The following LAP3 variants were observed in gnomAD, a reference collection of about 807,000 sequenced individuals.
LAP3 encodes the protein leucine aminopeptidase 3, also known as cytosol aminopeptidase.
LAP3 carries 46 observed loss-of-function variants against 58.8 expected under a neutral mutation model. That is an observed-to-expected ratio of 0.78 (90% CI 0.62 to 1.00). The LOEUF (loss-of-function observed/expected upper bound fraction) is 1.00. Among genes scored for constraint, LAP3 ranks in the 50% least tolerant of loss-of-function variants. The pLI, the probability that LAP3 is intolerant of heterozygous loss-of-function variation, is 0.00. For synonymous variants in LAP3, 257 were observed against 237.7 expected, an observed-to-expected ratio of 1.08 and a Z score of -0.75; for missense variants, 615 against 659.1, an observed-to-expected ratio of 0.93 and a Z score of 0.73.
chr4:17,578,756 G>C lies in LAP3; in HGVS notation c.103-1068G>C, dbSNP rs553074621. On this transcript the variant is annotated intron_variant, in intron 1 of 12. Transcript: ENST00000226299. ...TTTGAGACCTGAGACTTGTGAAGGA[G>C]ATGAAGGGAGTGAGCCGCTAAGTGC... Among the ~76,000 whole-genome samples, 32 of 152,334 alleles carry C rather than the reference G, an allele frequency of 2.1e-4. No individual in the cohort carries two copies. In the South Asian group the frequency reaches 6.0e-3, roughly 29 times the overall value.
rs754393344 is a variant in LAP3, at chr4:17,577,462, C to T, written c.-4C>T. The stretch of plus-strand genomic sequence containing the variant: ...AGGGCGGTGCGAGGGGCCGAGCCGA[C>T]AAGATGTTCTTGCTGCCTCTTCCGG... On this transcript the variant is annotated 5_prime_UTR_variant, in exon 1 of 13. An upstream open reading frame in the 5' UTR gains an earlier in-frame stop. Coordinates refer to ENST00000226299, the MANE Select transcript of LAP3 (RefSeq NM_015907.3). The T allele has an allele frequency of 3.8e-6, 6 of 1,568,124 alleles. No individual in the cohort carries two copies. The highest frequency in any genetic ancestry group is 2.4e-5 in the East Asian group (1 of 41,920).
chr4:17,590,274 T>C (rs999141267), intron 7 of LAP3, among the ~76,000 whole-genome samples: 2 of 152,182 alleles, frequency 1.3e-5, no homozygotes, highest in Non-Finnish European at 2.9e-5. Context: ...TAGAGAACCA[T>C]ACGATGTTGA....
chr4:17,604,732 G>T, intron 11 of LAP3, 65 bp downstream of exon 11: 2 of 1,248,034 alleles, frequency 1.6e-6, no homozygotes, highest in Non-Finnish European at 2.3e-6. Flanking sequence ...GCCTTAGAAG[G>T]ATAGACTTCT....
At chr4:17,586,883 A>C (rs1022259388) in intron 6 of LAP3, among the ~76,000 whole-genome samples, 3 of 152,188 alleles carry the variant, frequency 2.0e-5, no homozygotes, top group Admixed American at 6.5e-5. Flanking sequence ...AGGCAGGTGG[A>C]TCACTTGAGG....
intron 12 of LAP3, 129 bp downstream of exon 12, chr4:17,607,067 T>C: frequency 1.7e-6 from 1 of 593,598 alleles, no homozygotes; most frequent in Admixed American, 3.6e-5. Flanking sequence ...GCTTGTAAGA[T>C]TTTTAATGTC....
rs540908561 is a variant in LAP3 at position 17,579,312 on chromosome 4, TCTC to T, written c.103-509_103-507del. ...TTCCAGTTTCTGGTGATAAGAATGT[TCTC>T]CTTTTCCTGGTACAGGGAGATCACC... On this transcript the variant is annotated intron_variant, in intron 1 of 12. Coordinates refer to ENST00000226299, the MANE Select transcript of LAP3 (RefSeq NM_015907.3). Among the ~76,000 whole-genome samples the T allele has an allele frequency of 1.3e-3, 205 of 152,320 alleles. 1 individual carries two copies. The highest frequency in any genetic ancestry group is 4.3e-3 in the African/African-American group (178 of 41,558).
chr4:17,606,184 C>T lies in LAP3; in HGVS notation c.1261-645C>T, dbSNP rs183007419. Among the ~76,000 whole-genome samples, 97 of 152,190 alleles carry T rather than the reference C, an allele frequency of 6.4e-4. 1 individual carries two copies. Among genetic ancestry groups the T allele is most frequent in the Admixed American group, 1.4e-3 (21 of 15,284 alleles). ...AGGATTTCAGTGATACAGGTCCAGT[C>T]GTGTGTTTCTGTCACATAGAAGTGA... On this transcript the variant is annotated intron_variant, in intron 11 of 12. Transcript: ENST00000226299.
rs1713889423 is a variant in LAP3, at chr4:17,598,523, A to C, written c.1145A>C (p.Asn382Thr). 6.2e-7 allele frequency: 1 copy of C among 1,614,110 alleles called. No individual in the cohort carries two copies. The change falls in exon 10 of 13, where the codon AAC (asparagine) becomes ACC (threonine). Residue 382 changes from asparagine (N) to threonine (T), a missense_variant. Transcript: ENST00000226299. ...GCGCTCTGTTACGCACACACGTTTA[A>C]CCCGAAGGTCATCCTCAATGCCGCC... is the stretch of plus-strand genomic sequence containing the variant. ...ADALCYAHTF[N>T]PKVILNAATL...
rs1368179761 is a variant in LAP3 at position 17,591,444 on chromosome 4, G to C, written c.863+2467G>C. Among the ~76,000 whole-genome samples the C allele has an allele frequency of 2.0e-5, 3 of 152,090 alleles. No individual in the cohort carries two copies. The East Asian group carries it at 5.8e-4, about 29-fold the overall frequency. On this transcript the variant is annotated intron_variant, in intron 7 of 12. Transcript: ENST00000226299. ...GTGTGAGCCACCACACCTGGCCCTA[G>C]ACTAAATGTCTTGCCAATTGTGACA... is the stretch of plus-strand genomic sequence containing the variant.
chr4:17,592,418 T>C (rs546742025), intron 7 of LAP3, among the ~76,000 whole-genome samples: 14 of 152,234 alleles, frequency 9.2e-5, no homozygotes, highest in Admixed American at 2.0e-4. Flanking sequence ...TATTGTTGAG[T>C]AGTGTTCAAT....
chr4:17,593,609 G>GGTTTTTTT (rs1713752982), intron 7 of LAP3, among the ~76,000 whole-genome samples: 1 of 87,608 alleles, frequency 1.1e-5, no homozygotes, highest in Non-Finnish European at 2.0e-5. Context: ...ATCTGCTTGG[G>GGTTTTTTT]TTTTTTTTTT....
At chr4:17,590,865 T>C (rs1713668745) in intron 7 of LAP3, among the ~76,000 whole-genome samples, 2 of 151,172 alleles carry the variant, frequency 1.3e-5, no homozygotes, top group South Asian at 4.2e-4. Flanking sequence ...CCACTGCGCC[T>C]GGCCACTAAA....
chr4:17,577,421 T>C lies in LAP3; in HGVS notation c.-45T>C. On this transcript the variant is annotated 5_prime_UTR_variant, in exon 1 of 13. Coordinates refer to ENST00000226299, the MANE Select transcript of LAP3 (RefSeq NM_015907.3). Reference sequence around the variant, plus strand: ...CCCAAGGCGCGCCCGCCCACCGCTCTCCACGTGCTCGCTGGAGGGCGGTGC... The same window carrying C: ...CCCAAGGCGCGCCCGCCCACCGCTCCCCACGTGCTCGCTGGAGGGCGGTGC... 1 of 1,456,024 alleles carries C rather than the reference T, an allele frequency of 6.9e-7. No individual in the cohort carries two copies. Among genetic ancestry groups the C allele is most frequent in the Non-Finnish European group, 9.2e-7 (1 of 1,084,734 alleles). The allele number at this position is 1,456,024 out of a possible 1,614,324, so 90.2% of individuals were successfully genotyped here. A position where few individuals can be genotyped will look rare whatever the true frequency, so the allele number is the denominator to read the frequency against.
chr4:17,594,202 GA>G (rs1216947631), intron 7 of LAP3, among the ~76,000 whole-genome samples: 6 of 151,898 alleles, frequency 4.0e-5, no homozygotes, highest in Non-Finnish European at 7.4e-5. Context: ...ATAGTCATAG[GA>G]ATTAGAGAGC....
Position 17,577,365 on chromosome 4 carries a change from G to T in LAP3, c.-101G>T. On this transcript the variant is annotated 5_prime_UTR_variant, in exon 1 of 13. Coordinates refer to ENST00000226299, the MANE Select transcript of LAP3 (RefSeq NM_015907.3). The stretch of plus-strand genomic sequence containing the variant: ...TCGCCCGGCGCCCGAGCCAGTCCGC[G>T]CGCACGCCGTCTGCGCCCCGAAAGC... The T allele has an allele frequency of 1.2e-6, 1 of 866,154 alleles. No individual in the cohort carries two copies. The highest frequency in any genetic ancestry group is 1.7e-6 in the Non-Finnish European group (1 of 604,580). The allele number at this position is 866,154 out of a possible 1,614,324, so 53.7% of individuals were successfully genotyped here.
At chr4:17,595,299 A>G (rs565782496) in intron 7 of LAP3, 111 bp from the exon 8 acceptor site, 62 of 1,262,694 alleles carry the variant, frequency 4.9e-5, no homozygotes, top group Non-Finnish European at 6.2e-5. Flanking sequence ...CGGCCTCCCA[A>G]AGTGCTGGGA....
At chr4:17,589,848 T>G (rs1019299407) in intron 7 of LAP3, among the ~76,000 whole-genome samples, 2 of 152,174 alleles carry the variant, frequency 1.3e-5, no homozygotes, top group African/African-American at 4.8e-5. Context: ...GATGCCCCTG[T>G]TTGTATTATG....
At chr4:17,600,100 T>TCCTAGTAATTCATCCTGACTCTACC (rs1376958040) in intron 10 of LAP3, among the ~76,000 whole-genome samples, 2 of 152,194 alleles carry the variant, frequency 1.3e-5, no homozygotes, top group Non-Finnish European at 2.9e-5. Flanking sequence ...AATGTTCTCT[T>TCCTAGTAATTCATCCTGACTCTACC]CCTAGTAATT....
chr4:17,582,228 T>G lies in LAP3; in HGVS notation c.274-60T>G, dbSNP rs1713383081. 10 of 1,382,522 alleles carry G rather than the reference T, an allele frequency of 7.2e-6. No individual in the cohort carries two copies. The East Asian group carries it at 2.3e-4, about 32-fold the overall frequency. The allele number at this position is 1,382,522 out of a possible 1,614,324, so 85.6% of individuals were successfully genotyped here. A position where few individuals can be genotyped will look rare whatever the true frequency, so the allele number is the denominator to read the frequency against. ...AGTGAGTCTCCACATGTAGAATTCC[T>G]TGCTGGAAATGAATGCTTGAAAGAA... On this transcript the variant is annotated intron_variant, in intron 3 of 12. Transcript: ENST00000226299.
Sources: gnomAD v4.1 joint callset for allele counts (sites outside exome capture counted in the v4.1 genomes callset) on GRCh38, gnomAD v4.1.1 for gene constraint, MANE v1.5 for transcripts, NCBI Gene and HGNC (gene_info 2026-07-23, HGNC 2026-07-21) for gene names.